RAB27B: variants seen among roughly 807,000 people sequenced by gnomAD.
RAB27B encodes the protein ras-related protein Rab-27B.
A neutral mutation model predicts 24.6 loss-of-function variants in RAB27B; 15 were observed. The observed-to-expected ratio is 0.61, with a 90% confidence interval of 0.41 to 0.94. The LOEUF (loss-of-function observed/expected upper bound fraction) is 0.94, where lower values mean the gene tolerates loss of function less well. Ranked by LOEUF, RAB27B falls within the 40% of genes least tolerant of loss-of-function variation. The probability of loss-of-function intolerance (pLI) is 0.00; values close to 1 mark genes in which losing one functional copy is unlikely to be tolerated. For missense variants in RAB27B, 261 were observed against 266.8 expected (o/e 0.98, Z 0.15); for synonymous variants, 105 against 92.5 (o/e 1.14, Z -0.78).
At chr18:54,833,234 CTT>C (rs559070445) in intron 1 of RAB27B, among the ~76,000 whole-genome samples, 3 of 129,506 alleles carry the variant, frequency 2.3e-5, no homozygotes, top group Admixed American at 8.3e-5. Flanking sequence ...TTCTTTCTTT[CTT>C]TTTTTTTTTT....
At chr18:54,772,121 G>A (rs1908570150) in intron 2 of RAB27B, among the ~76,000 whole-genome samples, 1 of 152,198 alleles carries the variant, frequency 6.6e-6, no homozygotes, top group Non-Finnish European at 1.5e-5. Context: ...TTTAGGGAAT[G>A]TGTCTCGTCA....
rs141909180 is a variant in RAB27B, at chr18:54,771,052, T to A, written c.-20+52911T>A. ...TGTGTATTTTGAAGGCTCCATGCAG[T>A]ATGAGGATGGAAGATGGATTAGACT... On this transcript the variant is annotated intron_variant, in intron 2 of 4. Transcript: ENST00000586570. Among the ~76,000 whole-genome samples, 56 of 152,162 alleles carry A rather than the reference T, an allele frequency of 3.7e-4. 1 individual carries two copies. In the East Asian group the frequency reaches 9.9e-3, roughly 27 times the overall value.
chr18:54,803,990 A>T (rs570170555), intron 2 of RAB27B, among the ~76,000 whole-genome samples: 1 of 152,290 alleles, frequency 6.6e-6, no homozygotes, highest in African/African-American at 2.4e-5. Context: ...GAAGGTGGAT[A>T]ATCAGTCCTG....
At chr18:54,865,977 T>A (rs55887734) in intron 1 of RAB27B, among the ~76,000 whole-genome samples, 75 of 152,284 alleles carry the variant, frequency 4.9e-4, no homozygotes, top group Non-Finnish European at 8.2e-4. Flanking sequence ...CATGGCCCTA[T>A]CCTAGCTGTA....
chr18:54,805,666 T>C (rs1424293573), intron 2 of RAB27B, among the ~76,000 whole-genome samples: 1 of 152,192 alleles, frequency 6.6e-6, no homozygotes, highest in East Asian at 1.9e-4. Flanking sequence ...TCATGTGTTA[T>C]TTATGTCTTG....
intron 2 of RAB27B, among the ~76,000 whole-genome samples, chr18:54,728,897 A>AAG: frequency 1.1e-5 from 1 of 90,602 alleles, no homozygotes; most frequent in African/African-American, 3.8e-5. Context: ...AAAAAAAAAA[A>AAG]AAACCCAAAA....
chr18:54,726,620 C>T (rs1487168593), intron 2 of RAB27B, among the ~76,000 whole-genome samples: 2 of 151,490 alleles, frequency 1.3e-5, no homozygotes, highest in Admixed American at 6.6e-5. Context: ...GCCATTTTAC[C>T]CATATTTTGA....
intron 1 of RAB27B, among the ~76,000 whole-genome samples, chr18:54,873,728 TGA>T (rs1555667329): frequency 7.6e-4 from 110 of 144,464 alleles, no homozygotes; most frequent in African/African-American, 1.3e-3. Flanking sequence ...TGTGTGTGTG[TGA>T]GTGTGTTGAC....
At chr18:54,728,921 A>AG in intron 2 of RAB27B, among the ~76,000 whole-genome samples, 1 of 146,950 alleles carries the variant, frequency 6.8e-6, no homozygotes, top group Admixed American at 6.7e-5. Flanking sequence ...AAAAAAAAAA[A>AG]AACCACCACC....
chr18:54,857,724 A>G (rs1286057513), intron 1 of RAB27B, among the ~76,000 whole-genome samples: 3 of 151,256 alleles, frequency 2.0e-5, no homozygotes, highest in African/African-American at 7.4e-5. Context: ...GCAGGCATGC[A>G]GACGCAATGT....
rs551441867 is a variant in RAB27B, at chr18:54,724,815, G to A, written c.-20+6674G>A. ...GATTCATTAAAAACCATATCAAGGA[G>A]GTTTTTAAGAGGATGGAGAAGTTTC... On this transcript the variant is annotated intron_variant, in intron 2 of 4. Coordinates refer to the RAB27B transcript ENST00000586570. Among the ~76,000 whole-genome samples the A allele has an allele frequency of 3.5e-3, 530 of 151,640 alleles. 16 individuals are homozygous for A. Among genetic ancestry groups the A allele is most frequent in the Non-Finnish European group, 4.8e-3 (327 of 67,774 alleles).
At chr18:54,758,133 T>C (rs902508842) in intron 2 of RAB27B, among the ~76,000 whole-genome samples, 1 of 152,174 alleles carries the variant, frequency 6.6e-6, no homozygotes, top group Non-Finnish European at 1.5e-5. Flanking sequence ...TGTGTTGCCC[T>C]CTGTTAGATA....
chr18:54,752,542 A>G (rs1290999233), intron 2 of RAB27B, among the ~76,000 whole-genome samples: 1 of 152,218 alleles, frequency 6.6e-6, no homozygotes, highest in Admixed American at 6.5e-5. Context: ...GTGTATTCAC[A>G]TGGTGGGGGC....
rs533800746 is a variant in RAB27B at position 54,808,148 on chromosome 18, C to G, written c.-19-69419C>G. On this transcript the variant is annotated intron_variant, in intron 2 of 4. Transcript: ENST00000586570. ...TGTTCATTGTTTACTGCTTAAGATT[C>G]TACATATTGTTTGTAATCCTCTAGA... Among the ~76,000 whole-genome samples the G allele has an allele frequency of 2.4e-4, 37 of 152,298 alleles. No individual in the cohort carries two copies. In the South Asian group the frequency reaches 7.5e-3, roughly 31 times the overall value.
chr18:54,719,166 A>T (rs2144967500), intron 2 of RAB27B, among the ~76,000 whole-genome samples: 1 of 152,284 alleles, frequency 6.6e-6, no homozygotes, highest in African/African-American at 2.4e-5. Context: ...TTTAATGAAA[A>T]ACATTTGTTA....
chr18:54,743,618 G>C (rs1168619037), intron 2 of RAB27B, among the ~76,000 whole-genome samples: 1 of 152,130 alleles, frequency 6.6e-6, no homozygotes, highest in Non-Finnish European at 1.5e-5. Flanking sequence ...TGGATGCCTG[G>C]TCCTTGCATA....
intron 2 of RAB27B, among the ~76,000 whole-genome samples, chr18:54,768,497 C>T (rs1908438038): frequency 6.6e-6 from 1 of 152,056 alleles, no homozygotes. Context: ...GCAGGCTTTC[C>T]TTATTTGATT....
intron 2 of RAB27B, among the ~76,000 whole-genome samples, chr18:54,747,758 C>A (rs756816690): frequency 5.3e-5 from 8 of 152,206 alleles, no homozygotes; most frequent in Middle Eastern, 6.8e-3. Context: ...GTAATTAGAA[C>A]TTTGCAGCTT....
intron 2 of RAB27B, among the ~76,000 whole-genome samples, chr18:54,751,491 T>C (rs759540500): frequency 2.6e-5 from 4 of 151,902 alleles, no homozygotes; most frequent in Admixed American, 1.3e-4. Context: ...AATGTAGGAG[T>C]CGGCATATGA....
Sources: gnomAD v4.1 joint callset for allele counts (sites outside exome capture counted in the v4.1 genomes callset) on GRCh38, gnomAD v4.1.1 for gene constraint, MANE v1.5 for transcripts, NCBI Gene and HGNC (gene_info 2026-07-23, HGNC 2026-07-21) for gene names.